Variants in SLC25A48 observed in about 807,000 individuals in gnomAD.
The protein encoded by SLC25A48 is CTC-321K16.1.
SLC25A48 carries 29 observed loss-of-function variants against 32.2 expected under a neutral mutation model. The observed-to-expected ratio is 0.90, with a 90% CI of 0.67 to 1.23. The LOEUF is 1.23. Among genes scored for constraint, SLC25A48 ranks in the 50% most tolerant of loss-of-function variants. The pLI is 0.00. For synonymous variants in SLC25A48, 164 were observed against 172.3 expected (o/e 0.95, Z 0.38); for missense variants, 399 against 422.7 (o/e 0.94, Z 0.49).
intron 1 of SLC25A48, among the ~76,000 whole-genome samples, chr5:135,584,156 A>G (rs181631115): frequency 5.3e-5 from 8 of 152,362 alleles, no homozygotes; most frequent in African/African-American, 1.9e-4. Context: ...GCACTGCAAG[A>G]TTCCCCTAAA....
At chr5:135,731,791 A>T (rs181924778) in intron 3 of SLC25A48, among the ~76,000 whole-genome samples, 433 of 152,320 alleles carry the variant, frequency 2.8e-3, no homozygotes, top group Non-Finnish European at 5.1e-3. Flanking sequence ...GCCAGCAAAG[A>T]TTATTTATTT....
At position 135,852,816 on chromosome 5, in the gene SLC25A48, G is replaced by C. The variant is rs765681131; in HGVS notation, c.416G>C (p.Arg139Pro). The change falls in exon 4 of 8, where the codon CGG becomes CCG. Residue 139 changes from arginine to proline, a missense_variant. By Grantham distance (103) the Arg-to-Pro change is moderately radical. Transcript: ENST00000681962. Reference protein sequence around the residue: ...IRLQMQTQPFRDANLGLKSRA... With the variant: ...IRLQMQTQPFPDANLGLKSRA... ...TTGCAGATGCAGACACAACCGTTTC[G>C]GGACGGTAAGAGGCCAGGGGAGCGG... is the stretch of plus-strand genomic sequence containing the variant. 3 of 1,604,136 alleles carry C rather than the reference G, an allele frequency of 1.9e-6. No individual in the cohort carries two copies. The highest frequency in any genetic ancestry group is 2.2e-5 in the South Asian group (2 of 90,750).
chr5:135,682,482 A>G (rs1192123085), intron 3 of SLC25A48, among the ~76,000 whole-genome samples: 1 of 152,164 alleles, frequency 6.6e-6, no homozygotes, highest in South Asian at 2.1e-4. Flanking sequence ...ATAAATATAT[A>G]TGTGTGTGCA....
At chr5:135,860,227 T>A (rs1199044231) in intron 4 of SLC25A48, among the ~76,000 whole-genome samples, 1 of 152,260 alleles carries the variant, frequency 6.6e-6, no homozygotes, top group East Asian at 1.9e-4. Flanking sequence ...GGTAGTTTCA[T>A]AAGTGAGAAG....
intron 4 of SLC25A48, among the ~76,000 whole-genome samples, chr5:135,869,950 C>T (rs955277765): frequency 1.3e-5 from 2 of 152,166 alleles, no homozygotes; most frequent in Non-Finnish European, 1.5e-5. Context: ...TGGGTTTGTT[C>T]AAGCATACTT....
At chr5:135,815,587 G>A (rs1226117560) in intron 4 of SLC25A48, among the ~76,000 whole-genome samples, 5 of 152,188 alleles carry the variant, frequency 3.3e-5, no homozygotes, top group Admixed American at 1.3e-4. Context: ...ATGGGTAAGG[G>A]CAAAGGCTAG....
At chr5:135,700,494 C>T (rs1204933522) in intron 3 of SLC25A48, among the ~76,000 whole-genome samples, 2 of 152,016 alleles carry the variant, frequency 1.3e-5, no homozygotes, top group South Asian at 2.1e-4. Flanking sequence ...TGCTAGGGGC[C>T]GAGGACAGCA....
rs10569008 is a variant in SLC25A48, at chr5:135,871,060, G to GAC, written c.422-351_422-350dup. On this transcript the variant is annotated intron_variant, in intron 4 of 7. Transcript: ENST00000681962. ...CTGTGCATAAATAAATGTGTACACAGACACACACACACACACACACACACA... is the reference window on the plus strand; with the variant it reads ...CTGTGCATAAATAAATGTGTACACAGACACACACACACACACACACACACACA... Among the ~76,000 whole-genome samples the GAC allele has an allele frequency of 9.4e-3, 1,297 of 137,652 alleles. 12 individuals carry two copies. Among genetic ancestry groups the GAC allele is most frequent in the East Asian group, 0.029 (130 of 4,484 alleles). The allele number at this position is 137,652 out of a possible 152,430, so 90.3% of individuals were successfully genotyped here.
At chr5:135,856,777 A>G (rs1370052592) in intron 4 of SLC25A48, among the ~76,000 whole-genome samples, 1 of 152,252 alleles carries the variant, frequency 6.6e-6, no homozygotes, top group Admixed American at 6.5e-5. Flanking sequence ...GTCCCATCCC[A>G]GAGGCATAAG....
At position 135,815,745 on chromosome 5, in the gene SLC25A48, G is replaced by C. The variant is rs77205895; in HGVS notation, c.-117+2819G>C. On this transcript the variant is annotated intron_variant, in intron 4 of 10. Coordinates refer to the SLC25A48 transcript ENST00000646290. ...AAGCCAGAAGGGATACGTGTAGTCA[G>C]TGCACCTTCCCAGAGTGCAGATATT... Among the ~76,000 whole-genome samples the C allele has an allele frequency of 2.8e-3, 430 of 152,294 alleles. 2 individuals carry two copies. The highest frequency in any genetic ancestry group is 9.6e-3 in the African/African-American group (400 of 41,544).
At chr5:135,679,588 T>C (rs1222026847) in intron 3 of SLC25A48, among the ~76,000 whole-genome samples, 1 of 152,084 alleles carries the variant, frequency 6.6e-6, no homozygotes. Flanking sequence ...AGGAAGGGGA[T>C]TTTTTCCTCA....
intron 3 of SLC25A48, among the ~76,000 whole-genome samples, chr5:135,645,130 G>C (rs1367158239): frequency 1.3e-5 from 2 of 152,196 alleles, no homozygotes; most frequent in Non-Finnish European, 2.9e-5. Context: ...GCGTACGGGA[G>C]CGTTGATATA....
At chr5:135,754,230 C>T (rs1417587379) in intron 3 of SLC25A48, among the ~76,000 whole-genome samples, 2 of 152,014 alleles carry the variant, frequency 1.3e-5, no homozygotes, top group East Asian at 1.9e-4. Flanking sequence ...ACAGTGTGTA[C>T]GGTGATAGCA....
intron 3 of SLC25A48, among the ~76,000 whole-genome samples, chr5:135,810,345 A>C (rs1757564769): frequency 6.6e-6 from 1 of 152,190 alleles, no homozygotes. Flanking sequence ...TGGATTGTGA[A>C]ACTCACATTC....
At chr5:135,615,961 C>G (rs1366519287) in intron 1 of SLC25A48, among the ~76,000 whole-genome samples, 2 of 152,246 alleles carry the variant, frequency 1.3e-5, no homozygotes, top group Non-Finnish European at 2.9e-5. Context: ...GTCCCAGGTA[C>G]ATGGGCTGCT....
intron 3 of SLC25A48, among the ~76,000 whole-genome samples, chr5:135,737,634 G>A (rs564314023): frequency 6.6e-6 from 1 of 152,284 alleles, no homozygotes; most frequent in Non-Finnish European, 1.5e-5. Context: ...TGACTCAGGT[G>A]CAGCTTCAGG....
At chr5:135,662,718 G>A (rs1753433042) in intron 3 of SLC25A48, among the ~76,000 whole-genome samples, 1 of 151,854 alleles carries the variant, frequency 6.6e-6, no homozygotes, top group South Asian at 2.1e-4. Context: ...GGTCCCTTGG[G>A]AGCAAGGGGT....
chr5:135,671,440 A>G (rs996847425), intron 3 of SLC25A48, among the ~76,000 whole-genome samples: 1 of 152,224 alleles, frequency 6.6e-6, no homozygotes, highest in East Asian at 1.9e-4. Flanking sequence ...TACAGACCAG[A>G]TAAGTCAATA....
At chr5:135,806,028 C>T (rs749493124) in intron 3 of SLC25A48, among the ~76,000 whole-genome samples, 2 of 151,570 alleles carry the variant, frequency 1.3e-5, no homozygotes, top group African/African-American at 2.4e-5. Flanking sequence ...TGTGTGTACA[C>T]TCTGTCATGT....
Sources: gnomAD v4.1 joint callset for allele counts (sites outside exome capture counted in the v4.1 genomes callset) on GRCh38, gnomAD v4.1.1 for gene constraint, MANE v1.5 for transcripts, NCBI Gene and HGNC (gene_info 2026-07-23, HGNC 2026-07-21) for gene names.